The following NRG3 variants were observed in gnomAD, a reference collection of about 807,000 sequenced individuals.
NRG3 encodes neuregulin 3, also known as pro-neuregulin-3, membrane-bound isoform.
In NRG3, 31 loss-of-function variants were observed where a neutral mutation model predicts 66.9. The observed-to-expected ratio is 0.46, with a 90% confidence interval of 0.35 to 0.63. The LOEUF is 0.63. Among genes scored for constraint, NRG3 ranks in the 20% least tolerant of loss-of-function variants. The pLI, the probability that NRG3 is intolerant of heterozygous loss-of-function variation, is 0.00. For missense variants in NRG3, 910 were observed against 878.9 expected (o/e 1.04, Z -0.45); for synonymous variants, 393 against 359.4 (o/e 1.09, Z -1.06).
chr10:82,600,301 G>A (rs912850749), intron 2 of NRG3, among the ~76,000 whole-genome samples: 2 of 151,756 alleles, frequency 1.3e-5, no homozygotes, highest in African/African-American at 2.4e-5. Context: ...TCTTATTGAC[G>A]ACACATATTA....
chr10:82,337,229 C>CTG, intron 1 of NRG3, among the ~76,000 whole-genome samples: 1 of 152,296 alleles, frequency 6.6e-6, no homozygotes, highest in African/African-American at 2.4e-5. Flanking sequence ...TTTGCCTATT[C>CTG]TGGACATTTC....
At chr10:82,247,756 C>A (rs747585422) in intron 1 of NRG3, among the ~76,000 whole-genome samples, 1 of 152,126 alleles carries the variant, frequency 6.6e-6, no homozygotes, top group Non-Finnish European at 1.5e-5. Context: ...CTCTAGGGTA[C>A]TTACCACTTG....
intron 1 of NRG3, among the ~76,000 whole-genome samples, chr10:81,878,336 A>G (rs1191063405): frequency 6.6e-6 from 1 of 152,250 alleles, no homozygotes; most frequent in African/African-American, 2.4e-5. Context: ...ATGTAATACA[A>G]GTATGCAAAA....
At chr10:82,331,230 CTCTT>C (rs961626408) in intron 1 of NRG3, among the ~76,000 whole-genome samples, 36 of 152,288 alleles carry the variant, frequency 2.4e-4, no homozygotes, top group African/African-American at 8.7e-4. Context: ...TTCATCTTCT[CTCTT>C]TTTATTCTTG....
intron 3 of NRG3, among the ~76,000 whole-genome samples, chr10:82,784,756 G>A (rs574772017): frequency 2.0e-5 from 3 of 152,068 alleles, no homozygotes; most frequent in Non-Finnish European, 2.9e-5. Context: ...CACTGTTGGT[G>A]GGACTGTAAA....
intron 2 of NRG3, among the ~76,000 whole-genome samples, chr10:82,676,309 G>A (rs377339799): frequency 1.3e-5 from 2 of 152,192 alleles, no homozygotes; most frequent in East Asian, 3.9e-4. Flanking sequence ...TGAAACATCT[G>A]CTTGGATTGC....
At chr10:82,697,131 T>C (rs1295940477) in intron 2 of NRG3, among the ~76,000 whole-genome samples, 1 of 152,184 alleles carries the variant, frequency 6.6e-6, no homozygotes, top group African/African-American at 2.4e-5. Context: ...TGGGGTCTTA[T>C]AAATTGCTCC....
chr10:82,031,454 A>G (rs896086974), intron 1 of NRG3, among the ~76,000 whole-genome samples: 7 of 152,262 alleles, frequency 4.6e-5, no homozygotes, highest in African/African-American at 1.7e-4. Context: ...ACAGATAGAA[A>G]TTACTTGATT....
At chr10:81,984,605 A>T (rs192539050) in intron 1 of NRG3, among the ~76,000 whole-genome samples, 7 of 151,986 alleles carry the variant, frequency 4.6e-5, no homozygotes, top group Admixed American at 4.6e-4. Flanking sequence ...TGTTTGCCAA[A>T]CTCCTATTCA....
intron 4 of NRG3, among the ~76,000 whole-genome samples, chr10:82,937,830 A>C (rs1184193722): frequency 6.6e-6 from 1 of 152,170 alleles, no homozygotes; most frequent in Non-Finnish European, 1.5e-5. Context: ...ATGTACAGAG[A>C]AACCATTAGA....
At chr10:82,268,221 G>GT (rs2078406353) in intron 1 of NRG3, among the ~76,000 whole-genome samples, 1 of 152,044 alleles carries the variant, frequency 6.6e-6, no homozygotes, top group African/African-American at 2.4e-5. Flanking sequence ...TATTTTACAG[G>GT]GGTACTATTA....
At chr10:81,903,426 A>G (rs1225936581) in intron 1 of NRG3, among the ~76,000 whole-genome samples, 3 of 152,202 alleles carry the variant, frequency 2.0e-5, no homozygotes, top group Non-Finnish European at 4.4e-5. Flanking sequence ...GTGGGTTAAC[A>G]TGATAAAGGA....
chr10:82,751,108 C>T (rs917170619), intron 3 of NRG3, among the ~76,000 whole-genome samples: 1 of 152,120 alleles, frequency 6.6e-6, no homozygotes, highest in Non-Finnish European at 1.5e-5. Flanking sequence ...TTAGAACCAG[C>T]ACTGGATCTT....
chr10:82,407,156 A>G (rs757791480), intron 2 of NRG3, among the ~76,000 whole-genome samples: 23 of 151,462 alleles, frequency 1.5e-4, no homozygotes, highest in Admixed American at 4.0e-4. Context: ...AAGAAATAAC[A>G]TGGGGAGAGC....
chr10:82,148,524 T>A (rs1264956691), intron 1 of NRG3, among the ~76,000 whole-genome samples: 1 of 152,080 alleles, frequency 6.6e-6, no homozygotes, highest in Admixed American at 6.6e-5. Context: ...TTTTCCTACC[T>A]ATTTGTCCAG....
chr10:81,947,647 A>G (rs745533523), intron 1 of NRG3, among the ~76,000 whole-genome samples: 1 of 151,322 alleles, frequency 6.6e-6, no homozygotes, highest in Non-Finnish European at 1.5e-5. Flanking sequence ...TTTTTTTTCT[A>G]GCAGGTAACA....
At chr10:82,755,166 T>G (rs1243680968) in intron 3 of NRG3, among the ~76,000 whole-genome samples, 1 of 152,068 alleles carries the variant, frequency 6.6e-6, no homozygotes, top group African/African-American at 2.4e-5. Flanking sequence ...CAGCAACCAT[T>G]GTAGTATTAT....
chr10:82,038,543 A>T (rs2062895556), intron 1 of NRG3, among the ~76,000 whole-genome samples: 1 of 152,062 alleles, frequency 6.6e-6, no homozygotes, highest in Admixed American at 6.6e-5. Flanking sequence ...ACAACCCATG[A>T]GTTTTGTTTT....
At chr10:82,151,383 T>C (rs1477935633) in intron 1 of NRG3, among the ~76,000 whole-genome samples, 2 of 152,224 alleles carry the variant, frequency 1.3e-5, no homozygotes, top group Admixed American at 1.3e-4. Context: ...TTCTAATCAT[T>C]GAAATCTTAT....
Sources: gnomAD v4.1 joint callset for allele counts (sites outside exome capture counted in the v4.1 genomes callset) on GRCh38, gnomAD v4.1.1 for gene constraint, MANE v1.5 for transcripts, NCBI Gene and HGNC (gene_info 2026-07-23, HGNC 2026-07-21) for gene names.